NALF2: variants seen among roughly 807,000 people sequenced by gnomAD.
NALF2 encodes bB57D9.1 (TED protein).
NALF2 carries 1 observed loss-of-function variant against 24.8 expected under a neutral mutation model. The ratio of observed to expected loss-of-function variants is 0.04; its 90% confidence interval spans 0.01 to 0.19. The LOEUF (loss-of-function observed/expected upper bound fraction) is 0.19. Ranked by LOEUF, NALF2 falls within the 10% of genes least tolerant of loss-of-function variation. The probability of loss-of-function intolerance (pLI) is 1.00; values close to 1 mark genes in which losing one functional copy is unlikely to be tolerated. For synonymous variants in NALF2, 254 were observed against 189.8 expected (o/e 1.34, Z -2.78); for missense variants, 458 against 409.6 (o/e 1.12, Z -1.02).
chrX:69,528,814 G>A (rs57803576), intron 1 of NALF2, among the ~76,000 whole-genome samples, 179 bp from the exon 2 acceptor site: 6,384 of 111,611 alleles, frequency 0.057, 298 homozygotes, highest in East Asian at 0.3. Context: ...CTATGAAATC[G>A]GAGATCTTAG....
intron 1 of NALF2, among the ~76,000 whole-genome samples, chrX:69,524,161 G>T (rs1368496128): frequency 9.7e-6 from 1 of 103,597 alleles, no homozygotes; most frequent in African/African-American, 3.6e-5. Context: ...GCAATGGTGT[G>T]ATCTCAGCTC....
intron 1 of NALF2, among the ~76,000 whole-genome samples, chrX:69,526,391 A>G (rs750908419): frequency 1.9e-4 from 21 of 111,755 alleles, no homozygotes; most frequent in African/African-American, 6.5e-4. Flanking sequence ...TCTCCTTTCT[A>G]TAGATCATAT....
At chrX:69,506,923 G>A (rs1238636386) in intron 1 of NALF2, among the ~76,000 whole-genome samples, 1 of 112,518 alleles carries the variant, frequency 8.9e-6, no homozygotes, top group Non-Finnish European at 1.9e-5. Flanking sequence ...CCAGAGGAGA[G>A]GTGAGGCAGC....
chrX:69,523,464 C>T (rs969766136), intron 1 of NALF2, among the ~76,000 whole-genome samples: 2 of 112,292 alleles, frequency 1.8e-5, no homozygotes, highest in African/African-American at 3.2e-5. Context: ...GGTGACACCT[C>T]TCATCTTGCC....
rs1930484532 is a variant in NALF2 at position 69,506,208 on chromosome X, G to A, written c.861+65G>A. 4 of 1,119,135 alleles carry A rather than the reference G, an allele frequency of 3.6e-6. No individual in the cohort carries two copies. The Admixed American group carries it at 9.0e-5, about 25-fold the overall frequency. 92.2% of individuals were successfully genotyped at this position (1,119,135 alleles called of 1,213,427 possible). A position where few individuals can be genotyped will look rare whatever the true frequency, so the allele number is the denominator to read the frequency against. ...CAGCGGCAGCGGCCGCAGTGGGACC[G>A]GGAGAAAAAAGGAAGTCTCCCTTTC... On this transcript the variant is annotated intron_variant, in intron 1 of 2. Coordinates refer to ENST00000252338, the MANE Select transcript of NALF2 (RefSeq NM_015686.3).
chrX:69,509,806 C>T (rs984872848), intron 1 of NALF2, among the ~76,000 whole-genome samples: 7 of 112,106 alleles, frequency 6.2e-5, no homozygotes, highest in African/African-American at 2.3e-4. Context: ...ACCTGCGTGG[C>T]CCCAAAGGGC....
At chrX:69,524,475 G>A (rs751962050) in intron 1 of NALF2, among the ~76,000 whole-genome samples, 1 of 111,636 alleles carries the variant, frequency 9.0e-6, no homozygotes, top group East Asian at 2.8e-4. Flanking sequence ...AAAGAGCTCC[G>A]TAGTTCACCC....
intron 1 of NALF2, among the ~76,000 whole-genome samples, chrX:69,525,857 C>T (rs908738344): frequency 6.5e-5 from 7 of 108,396 alleles, no homozygotes; most frequent in Non-Finnish European, 1.1e-4. Flanking sequence ...CCACCCCTTA[C>T]CCCAACTGCC....
chrX:69,519,656 G>A (rs1194184846), intron 1 of NALF2, among the ~76,000 whole-genome samples: 1 of 111,939 alleles, frequency 8.9e-6, no homozygotes, highest in Non-Finnish European at 1.9e-5. Flanking sequence ...AATCCTATCC[G>A]GGGATTGTGT....
chrX:69,508,233 G>A (rs1300155317), intron 1 of NALF2, among the ~76,000 whole-genome samples: 4 of 111,444 alleles, frequency 3.6e-5, no homozygotes, highest in East Asian at 2.8e-4. Flanking sequence ...AGGTTTTTCC[G>A]CCCCTCTCGT....
Position 69,505,708 on chromosome X carries a change from G to A in NALF2, c.426G>A (p.Gly142=), listed in dbSNP as rs774742857. The A allele has an allele frequency of 8.3e-5, 100 of 1,208,585 alleles. 1 individual carries two copies. The East Asian group carries it at 2.7e-3, about 33-fold the overall frequency. The change falls in exon 1 of 3, where the codon GGG becomes GGA. Residue 142 remains glycine, a synonymous_variant. Coordinates refer to ENST00000252338, the MANE Select transcript of NALF2 (RefSeq NM_015686.3). ...GCGGCGGCGTCCCAGAGCCCACGGG[G>A]CTGGACGCAGCTTGCACCAAATTGC... ...PVCGGVPEPT[G]LDAACTKLQS...
intron 1 of NALF2, among the ~76,000 whole-genome samples, chrX:69,512,225 T>C (rs751869268): frequency 1.1e-4 from 12 of 111,909 alleles, no homozygotes; most frequent in Non-Finnish European, 7.5e-5. Flanking sequence ...GCGTTTTGTG[T>C]GATTACAGGC....
At chrX:69,508,324 GA>G (rs780076098) in intron 1 of NALF2, among the ~76,000 whole-genome samples, 56 of 111,605 alleles carry the variant, frequency 5.0e-4, no homozygotes, top group African/African-American at 1.7e-3. Flanking sequence ...GGTGCAAGGG[GA>G]TCAAATGGTT....
In NALF2 at chrX:69,504,829, A is replaced by G. The variant is rs1042840717; in HGVS notation, c.-454A>G. Among the ~76,000 whole-genome samples the G allele has an allele frequency of 9.3e-5, 10 of 107,588 alleles. No individual in the cohort carries two copies. The Admixed American group carries it at 9.6e-4, about 10-fold the overall frequency. 93.4% of individuals were successfully genotyped at this position (107,588 alleles called of 115,157 possible). A position where few individuals can be genotyped will look rare whatever the true frequency, so the allele number is the denominator to read the frequency against. The stretch of plus-strand genomic sequence containing the variant: ...AGCGGAGCGCGGCGGCGGGGCCCGC[A>G]CGGCGGCGCTGAGGGGCGCAGAGCT... On this transcript the variant is annotated 5_prime_UTR_variant, in exon 1 of 3. Coordinates refer to ENST00000252338, the MANE Select transcript of NALF2 (RefSeq NM_015686.3).
At chrX:69,516,384 A>T (rs970499973) in intron 1 of NALF2, among the ~76,000 whole-genome samples, 1 of 112,246 alleles carries the variant, frequency 8.9e-6, no homozygotes, top group Non-Finnish European at 1.9e-5. Flanking sequence ...GACTTGTCCA[A>T]ATTCACACAG....
rs1451909120 is a variant in NALF2, at chrX:69,530,007, C to T, written c.*51C>T. Reference sequence around the variant, plus strand: ...ACCACACTGACATCAGCTCCAGCTCCCCCAGGTTGGGGGGGAGGGGGCTCC... The same window carrying T: ...ACCACACTGACATCAGCTCCAGCTCTCCCAGGTTGGGGGGGAGGGGGCTCC... On this transcript the variant is annotated 3_prime_UTR_variant, in exon 3 of 3. Transcript: ENST00000252338. 2.0e-6 allele frequency: 2 copies of T among 1,024,979 alleles called. No homozygotes were observed. Among genetic ancestry groups the T allele is most frequent in the Non-Finnish European group, 2.6e-6 (2 of 763,547 alleles). 84.5% of individuals were successfully genotyped at this position (1,024,979 alleles called of 1,213,427 possible).
intron 1 of NALF2, among the ~76,000 whole-genome samples, chrX:69,512,247 A>T (rs943208547): frequency 5.4e-5 from 6 of 112,112 alleles, no homozygotes; most frequent in African/African-American, 1.9e-4. Context: ...CACAGACCAG[A>T]GTGTGTGCAA....
chrX:69,510,626 G>T (rs747094331), intron 1 of NALF2, among the ~76,000 whole-genome samples: 2 of 111,760 alleles, frequency 1.8e-5, no homozygotes, highest in Non-Finnish European at 3.8e-5. Context: ...TCCCTGTTTG[G>T]GGGTAGAGGA....
chrX:69,504,414 C>T lies in NALF2; in HGVS notation c.-869C>T, dbSNP rs998388977. ...TGCACAGGGGCTCTCAAGGTGTTCT[C>T]CGCACAGCGGAAGATGGCGACAGAC... On this transcript the variant is annotated 5_prime_UTR_variant, in exon 1 of 3. Transcript: ENST00000252338. 8.8e-6 allele frequency among the ~76,000 whole-genome samples: 1 copy of T among 113,426 alleles called. No homozygotes were observed. The highest frequency in any genetic ancestry group is 3.2e-5 in the African/African-American group (1 of 31,315).
Sources: allele counts gnomAD v4.1 joint callset (sites outside exome capture counted in the v4.1 genomes callset), GRCh38; gene constraint gnomAD v4.1.1; transcripts MANE v1.5; gene names NCBI Gene and HGNC (gene_info 2026-07-23, HGNC 2026-07-21).